The following BRPF3 variants were observed in gnomAD, a reference collection of about 807,000 sequenced individuals.
BRPF3 encodes the protein bromodomain and PHD finger containing 3, also known as bromodomain and PHD finger-containing protein 3.
Under a neutral mutation model 102.0 loss-of-function variants are expected in BRPF3, and 18 were observed. That is an observed-to-expected ratio of 0.18 (90% confidence interval 0.12 to 0.26). The LOEUF is 0.26. Ranked by LOEUF, BRPF3 falls within the 10% of genes least tolerant of loss-of-function variation. The pLI is 1.00. For missense variants in BRPF3, 1,147 were observed against 1,567.8 expected (o/e 0.73, Z 4.53); for synonymous variants, 570 against 614.2 (o/e 0.93, Z 1.06).
At chr6:36,207,631 G>A (rs925674737) in intron 4 of BRPF3, among the ~76,000 whole-genome samples, 187 bp downstream of exon 4, 1 of 152,166 alleles carries the variant, frequency 6.6e-6, no homozygotes, top group Non-Finnish European at 1.5e-5. Context: ...GGTTTCTATA[G>A]TTTGGATTTC....
chr6:36,223,975 A>G (rs1387462016), intron 10 of BRPF3, among the ~76,000 whole-genome samples: 2 of 152,198 alleles, frequency 1.3e-5, no homozygotes, highest in South Asian at 4.1e-4. Context: ...TACTCAGTCT[A>G]CCTCTTTGGT....
intron 4 of BRPF3, among the ~76,000 whole-genome samples, chr6:36,208,733 A>C (rs1000673404): frequency 6.6e-6 from 1 of 152,224 alleles, no homozygotes; most frequent in Non-Finnish European, 1.5e-5. Context: ...GAAATGAGAG[A>C]GAGAAGAAGG....
chr6:36,216,332 G>T (rs1460007171), intron 8 of BRPF3, among the ~76,000 whole-genome samples: 1 of 152,200 alleles, frequency 6.6e-6, no homozygotes, highest in Non-Finnish European at 1.5e-5. Flanking sequence ...AAGAATGAAA[G>T]ATCCTGCTGT....
chr6:36,204,841 G>A, intron 3 of BRPF3, 27 bp downstream of exon 3: 1 of 1,606,650 alleles, frequency 6.2e-7, no homozygotes, highest in Non-Finnish European at 8.5e-7. Flanking sequence ...TTTGAGGCTG[G>A]TAGAGGGAGG....
intron 1 of BRPF3, among the ~76,000 whole-genome samples, chr6:36,199,486 A>C: frequency 6.6e-6 from 1 of 152,190 alleles, no homozygotes; most frequent in East Asian, 1.9e-4. Context: ...CATGTATCAT[A>C]GATATTTCAG....
chr6:36,197,304 G>A (rs1767533117), intron 1 of BRPF3: 2 of 152,022 alleles, frequency 1.3e-5, no homozygotes, highest in Admixed American at 6.5e-5. Flanking sequence ...TAGGTCCCCT[G>A]GGTCCCTCTG....
intron 11 of BRPF3, among the ~76,000 whole-genome samples, chr6:36,226,148 T>C (rs1768732064): frequency 6.6e-6 from 1 of 152,228 alleles, no homozygotes; most frequent in Non-Finnish European, 1.5e-5. Flanking sequence ...ATAAACATCA[T>C]TGTAGTTTTA....
At chr6:36,229,912 A>G (rs1768877416) in intron 12 of BRPF3, among the ~76,000 whole-genome samples, 1 of 152,230 alleles carries the variant, frequency 6.6e-6, no homozygotes, top group Non-Finnish European at 1.5e-5. Flanking sequence ...ACTAAGATAC[A>G]AAACAAGATC....
intron 1 of BRPF3, among the ~76,000 whole-genome samples, chr6:36,198,326 A>C (rs983824475): frequency 3.3e-5 from 5 of 152,132 alleles, no homozygotes; most frequent in Admixed American, 2.6e-4. Context: ...TGTTACCCTC[A>C]TTTTACTGAT....
At position 36,200,465 on chromosome 6, in the gene BRPF3, G is replaced by A. The variant is rs772337586; in HGVS notation, c.143G>A (p.Arg48His). ...ATTGTCGAGGTAGACATTGATGGAC[G>A]CCTGCATCGTATCAGCATCTATGAC... ...QRIVEVDIDG[R>H]LHRISIYDPL... Residue 48 changes from arginine (R) to histidine (H), a missense_variant, in exon 2 of 13, where the codon CGC becomes CAC. Arg to His is a conservative substitution (Grantham distance 29). Transcript: ENST00000357641. This position sits in a 1 kb window ranked among gnomAD's most constrained non-coding sequence, Gnocchi z 5.3. The A allele has an allele frequency of 1.2e-6, 2 of 1,614,222 alleles. No homozygotes were observed. Among genetic ancestry groups the A allele is most frequent in the South Asian group, 1.1e-5 (1 of 91,090 alleles).
intron 3 of BRPF3, among the ~76,000 whole-genome samples, chr6:36,206,967 T>C (rs1767927677): frequency 6.6e-6 from 1 of 152,164 alleles, no homozygotes. Flanking sequence ...TCTAGCCAAG[T>C]GAAAGCTCTA....
rs1336877234 is a variant in BRPF3 at position 36,201,630 on chromosome 6, G to A, written c.1308G>A (p.Gly436=). Residue 436 remains glycine, a synonymous_variant, in exon 2 of 13, where the codon GGG becomes GGA. Coordinates refer to ENST00000357641, the MANE Select transcript of BRPF3 (RefSeq NM_015695.3). The surrounding 1 kb of genome is among the most constrained non-coding windows in gnomAD (Gnocchi z 5.1). ...VEEEEQEAQG[G]VSGSLKGVPK... is the part of the protein sequence containing the mutation. ...AAGAAGAGCAGGAAGCTCAAGGCGG[G>A]GTGAGTGGCTCCCTCAAGGGAGTGC... 1.9e-6 allele frequency: 3 copies of A among 1,614,032 alleles called. No homozygotes were observed. The highest frequency in any genetic ancestry group is 1.3e-5 in the African/African-American group (1 of 74,928).
At chr6:36,213,195 T>C (rs1176609263) in intron 7 of BRPF3, among the ~76,000 whole-genome samples, 3 of 152,278 alleles carry the variant, frequency 2.0e-5, no homozygotes, top group Non-Finnish European at 4.4e-5. Flanking sequence ...TGATTAAGCA[T>C]GTGGCTTTCT....
Position 36,200,673 on chromosome 6 carries a change from C to T in BRPF3, c.351C>T (p.Pro117=). 6.2e-7 allele frequency: 1 copy of T among 1,614,196 alleles called. No homozygotes were observed. The highest frequency in any genetic ancestry group is 1.3e-5 in the African/African-American group (1 of 75,054). The part of the protein sequence containing the change: ...ASGTSFHLPQ[P]SFRMVDSGIQ... ...GTACTTCCTTCCACCTCCCACAGCC[C>T]AGCTTCCGTATGGTGGACTCAGGCA... The change falls in exon 2 of 13, where the codon CCC becomes CCT. Residue 117 remains proline, a synonymous_variant. Transcript: ENST00000357641. This position sits in a 1 kb window ranked among gnomAD's most constrained non-coding sequence, Gnocchi z 5.3.
At position 36,207,432 on chromosome 6, in the gene BRPF3, C is replaced by T. The variant is rs766174126; in HGVS notation, c.1725C>T (p.Leu575=). The change falls in exon 4 of 13, where the codon CTC becomes CTT. Residue 575 remains leucine (L), a synonymous_variant. Coordinates refer to ENST00000357641, the MANE Select transcript of BRPF3 (RefSeq NM_015695.3). ...LIELIRKREK[L]KREQVKVQQA... is the part of the protein sequence containing the mutation. ...AGCTGATTCGGAAGAGAGAGAAGCT[C>T]AAACGAGAGCAGGTAAGGAGGAGCC... The T allele has an allele frequency of 6.2e-7, 1 of 1,613,864 alleles. No individual in the cohort carries two copies. The highest frequency in any genetic ancestry group is 1.7e-5 in the Admixed American group (1 of 59,986).
At chr6:36,202,310 G>C (rs994621349) in intron 2 of BRPF3, among the ~76,000 whole-genome samples, 2 of 152,130 alleles carry the variant, frequency 1.3e-5, no homozygotes, top group Non-Finnish European at 2.9e-5. Flanking sequence ...GGGTATGAGG[G>C]GGGTGGTGGT....
chr6:36,226,973 AACAG>A (rs1285987959), intron 11 of BRPF3, among the ~76,000 whole-genome samples: 5 of 152,200 alleles, frequency 3.3e-5, no homozygotes, highest in African/African-American at 2.4e-5. Flanking sequence ...TTAAAAAACA[AACAG>A]ACAGAATACC....
chr6:36,203,623 G>A (rs1324060409), intron 2 of BRPF3, among the ~76,000 whole-genome samples: 1 of 152,196 alleles, frequency 6.6e-6, no homozygotes, highest in Non-Finnish European at 1.5e-5. Flanking sequence ...GCCTAGGTGA[G>A]CAACGTCCTG....
In BRPF3 at chr6:36,209,767, T is replaced by A; in HGVS notation, c.1738-20T>A. The A allele has an allele frequency of 6.2e-7, 1 of 1,612,368 alleles. No homozygotes were observed. On this transcript the variant is annotated intron_variant, in intron 4 of 12. Coordinates refer to ENST00000357641, the MANE Select transcript of BRPF3 (RefSeq NM_015695.3). ...TTGCAGGGGATGTTCTGATCTGATC[T>A]CACCCCACCTTCCCCACAGGTCAAA...
Sources: gnomAD v4.1 joint callset for allele counts (sites outside exome capture counted in the v4.1 genomes callset) on GRCh38, gnomAD v4.1.1 for gene constraint, Gnocchi (gnomAD v3.1) non-coding constraint, MANE v1.5 for transcripts, NCBI Gene and HGNC (gene_info 2026-07-23, HGNC 2026-07-21) for gene names.